Variants in DPY19L4 observed in about 807,000 individuals in gnomAD.
The protein encoded by DPY19L4 is probable C-mannosyltransferase DPY19L4.
A neutral mutation model predicts 102.8 loss-of-function variants in DPY19L4; 97 were observed. The observed-to-expected ratio is 0.94, with a 90% CI of 0.80 to 1.12. The LOEUF (loss-of-function observed/expected upper bound fraction) is 1.12, where lower values mean the gene tolerates loss of function less well. Ranked by LOEUF, DPY19L4 falls within the 50% of genes most tolerant of loss-of-function variation. The pLI is 0.00. For missense variants in DPY19L4, 815 were observed against 850.4 expected (o/e 0.96, Z 0.52); for synonymous variants, 252 against 283.1 (o/e 0.89, Z 1.10).
chr8:94,751,120 T>TTC (rs71503479), intron 6 of DPY19L4, among the ~76,000 whole-genome samples: 14,693 of 135,164 alleles, frequency 0.11, 872 homozygotes, highest in Non-Finnish European at 0.14. Flanking sequence ...TTTTCTTTCT[T>TTC]TTCTTTTTTT....
In DPY19L4 at chr8:94,734,159, A is replaced by G. The variant is rs146138792; in HGVS notation, c.128-471A>G. Among the ~76,000 whole-genome samples the G allele has an allele frequency of 6.2e-4, 93 of 148,904 alleles. No homozygotes were observed. The East Asian group carries it at 0.017, about 27-fold the overall frequency. ...ACTGCAACCTCCACCTCCCTGATTC[A>G]ATGATTCTTGTGCCTCAGCCTCCCG... On this transcript the variant is annotated intron_variant, in intron 2 of 18. Coordinates refer to ENST00000414645, the MANE Select transcript of DPY19L4 (RefSeq NM_181787.3).
intron 8 of DPY19L4, among the ~76,000 whole-genome samples, chr8:94,764,576 A>C (rs1481929049): frequency 1.9e-5 from 2 of 103,662 alleles, no homozygotes; most frequent in Non-Finnish European, 3.8e-5. Flanking sequence ...ACTCCGTCTC[A>C]AAAAAAAAAA....
chr8:94,764,392 C>T (rs1312425285), intron 8 of DPY19L4, among the ~76,000 whole-genome samples: 1 of 151,440 alleles, frequency 6.6e-6, no homozygotes, highest in African/African-American at 2.4e-5. Flanking sequence ...CTGACTAACA[C>T]GGTGAAATCC....
chr8:94,788,004 C>T lies in DPY19L4; in HGVS notation c.1959C>T (p.Pro653=). 1 of 1,509,582 alleles carries T rather than the reference C, an allele frequency of 6.6e-7. No homozygotes were observed. Among genetic ancestry groups the T allele is most frequent in the Non-Finnish European group, 8.8e-7 (1 of 1,130,852 alleles). The allele number at this position is 1,509,582 out of a possible 1,614,324, so 93.5% of individuals were successfully genotyped here. Residue 653 remains proline, a synonymous_variant, in exon 18 of 19, where the codon CCC becomes CCT. Coordinates refer to ENST00000414645, the MANE Select transcript of DPY19L4 (RefSeq NM_181787.3). ...ATGCTATCTGCAATGAGGTGGGACC[C>T]ATGAGAGGCTGTAGGGTTAAAGATT... ...VEDAICNEVG[P]MRGCRVKDLL... is the part of the protein sequence containing the mutation.
chr8:94,722,594 G>C (rs1810515141), intron 1 of DPY19L4, among the ~76,000 whole-genome samples: 1 of 152,062 alleles, frequency 6.6e-6, no homozygotes, highest in Non-Finnish European at 1.5e-5. Flanking sequence ...GGATATAATA[G>C]TCAACAATGA....
chr8:94,781,840 G>A (rs1361355082), intron 16 of DPY19L4, among the ~76,000 whole-genome samples: 5 of 152,136 alleles, frequency 3.3e-5, no homozygotes, highest in Non-Finnish European at 7.4e-5. Context: ...ATTATACTTG[G>A]CTAATGTAAT....
rs1054355914 is a variant in DPY19L4 at position 94,749,957 on chromosome 8, T to G, written c.612-6079T>G. ...ACTATATAAAAATATTGGTTCATGT[T>G]TTTTGTTTGTTTGTTTTTGACCAAG... On this transcript the variant is annotated intron_variant, in intron 6 of 18. Coordinates refer to ENST00000414645, the MANE Select transcript of DPY19L4 (RefSeq NM_181787.3). Among the ~76,000 whole-genome samples the G allele has an allele frequency of 4.6e-5, 7 of 152,290 alleles. No individual in the cohort carries two copies. In the South Asian group the frequency reaches 1.4e-3, roughly 32 times the overall value.
At chr8:94,738,094 G>A (rs1405161869) in intron 3 of DPY19L4, among the ~76,000 whole-genome samples, 1 of 151,832 alleles carries the variant, frequency 6.6e-6, no homozygotes, top group Non-Finnish European at 1.5e-5. Flanking sequence ...TGAGGTGGGT[G>A]GATCATGAGG....
At chr8:94,780,517 A>T in intron 15 of DPY19L4, 102 bp downstream of exon 15, 1 of 726,376 alleles carries the variant, frequency 1.4e-6, no homozygotes, top group East Asian at 3.2e-5. Flanking sequence ...CACTATCCTA[A>T]CAAAATAAAA....
At position 94,787,972 on chromosome 8, in the gene DPY19L4, G is replaced by A; in HGVS notation, c.1927G>A (p.Val643Ile). ...LTSYKANYLIVEDAICNEVGP... is the reference protein window; with the variant it reads ...LTSYKANYLIIEDAICNEVGP... ...ATCTTACAAAGCTAATTACCTAATT[G>A]TAGAGGATGCTATCTGCAATGAGGT... Residue 643 changes from valine to isoleucine, a missense_variant, in exon 18 of 19, where the codon GTA becomes ATA. Coordinates refer to ENST00000414645, the MANE Select transcript of DPY19L4 (RefSeq NM_181787.3). 2 of 1,522,092 alleles carry A rather than the reference G, an allele frequency of 1.3e-6. No individual in the cohort carries two copies. Among genetic ancestry groups the A allele is most frequent in the Non-Finnish European group, 1.8e-6 (2 of 1,135,004 alleles). The allele number at this position is 1,522,092 out of a possible 1,614,324, so 94.3% of individuals were successfully genotyped here.
chr8:94,733,001 A>G (rs1811032815), intron 2 of DPY19L4, among the ~76,000 whole-genome samples: 1 of 148,868 alleles, frequency 6.7e-6, no homozygotes, highest in South Asian at 2.1e-4. Flanking sequence ...TTTTGTAGAG[A>G]CATGGTTTCA....
At position 94,781,246 on chromosome 8, in the gene DPY19L4, A is replaced by G. The variant is rs182295147; in HGVS notation, c.1715+80A>G. 1.0e-3 allele frequency: 1,208 copies of G among 1,209,102 alleles called. 14 individuals carry two copies. Among genetic ancestry groups the G allele is most frequent in the Middle Eastern group, 7.5e-3 (36 of 4,824 alleles). The allele number at this position is 1,209,102 out of a possible 1,614,324, so 74.9% of individuals were successfully genotyped here. ...CTATCTAATGAATTCACAGGAAATAATAAATTAATACTTCTCCAAATTTTT... is the reference window on the plus strand; with the variant it reads ...CTATCTAATGAATTCACAGGAAATAGTAAATTAATACTTCTCCAAATTTTT... On this transcript the variant is annotated intron_variant, in intron 16 of 18. Transcript: ENST00000414645.
intron 6 of DPY19L4, among the ~76,000 whole-genome samples, chr8:94,746,276 G>A (rs1811671213): frequency 6.6e-6 from 1 of 150,660 alleles, no homozygotes. Flanking sequence ...GGCCAGGCTG[G>A]TCTTGAACTC....
chr8:94,788,095 A>ATATATTTT, intron 18 of DPY19L4, 43 bp downstream of exon 18: 1 of 971,366 alleles, frequency 1.0e-6, no homozygotes, highest in African/African-American at 2.3e-5. Flanking sequence ...ATATATATAT[A>ATATATTTT]TTTTTTTTTT....
chr8:94,739,644 G>A lies in DPY19L4; in HGVS notation c.466-1G>A, dbSNP rs768562593. Reference sequence around the variant, plus strand: ...GTTCTCTTTCTGTTTTTTCCACATAGGAGATTATTGAGCCAGTGTATTTCT... The same window carrying A: ...GTTCTCTTTCTGTTTTTTCCACATAAGAGATTATTGAGCCAGTGTATTTCT... On this transcript the variant is annotated splice_acceptor_variant, in intron 5 of 18. Coordinates refer to ENST00000414645, the MANE Select transcript of DPY19L4 (RefSeq NM_181787.3). LOFTEE classifies it high-confidence loss of function. 4 of 1,613,406 alleles carry A rather than the reference G, an allele frequency of 2.5e-6. No homozygotes were observed. The South Asian group carries it at 4.4e-5, about 18-fold the overall frequency.
rs1326081909 is a variant in DPY19L4, at chr8:94,770,503, A to C, written c.1386A>C (p.Glu462Asp). Reference sequence around the variant, plus strand: ...CTCTTGAAGATGGACGAATTGGAGAAAGACCAGAAATAATTTATCATGTAA... The same window carrying C: ...CTCTTGAAGATGGACGAATTGGAGACAGACCAGAAATAATTTATCATGTAA... ...TVTLEDGRIG[E>D]RPEIIYHVIH... The change falls in exon 13 of 19, where the codon GAA becomes GAC. Residue 462 changes from glutamate (E) to aspartate (D), a missense_variant. Glu to Asp is a conservative substitution (Grantham distance 45). Coordinates refer to ENST00000414645, the MANE Select transcript of DPY19L4 (RefSeq NM_181787.3). 6.2e-7 allele frequency: 1 copy of C among 1,614,006 alleles called. No homozygotes were observed. Among genetic ancestry groups the C allele is most frequent in the South Asian group, 1.1e-5 (1 of 91,056 alleles).
At position 94,719,931 on chromosome 8, in the gene DPY19L4, G is replaced by A; in HGVS notation, c.-68G>A. 1 of 1,452,232 alleles carries A rather than the reference G, an allele frequency of 6.9e-7. No homozygotes were observed. Among genetic ancestry groups the A allele is most frequent in the East Asian group, 3.0e-5 (1 of 33,158 alleles). The allele number at this position is 1,452,232 out of a possible 1,614,324, so 90.0% of individuals were successfully genotyped here. ...GGGCCCCCGGAGGCCGAGGGGTTCG[G>A]CGACGCGGAGGGAGGGAGAGTCTGG... is the stretch of plus-strand genomic sequence containing the variant. On this transcript the variant is annotated 5_prime_UTR_variant, in exon 1 of 19. Coordinates refer to ENST00000414645, the MANE Select transcript of DPY19L4 (RefSeq NM_181787.3).
chr8:94,733,147 A>T (rs1384147283), intron 2 of DPY19L4, among the ~76,000 whole-genome samples: 1 of 107,252 alleles, frequency 9.3e-6, no homozygotes. Flanking sequence ...TTTTTTTGAG[A>T]CAGAGTCTCG....
At position 94,739,432 on chromosome 8, in the gene DPY19L4, C is replaced by A; in HGVS notation, c.363C>A (p.His121Gln). The stretch of plus-strand genomic sequence containing the variant: ...CTTTAGGTGTTTACGAACTGACACA[C>A]AATAACAAAACTGTATCTCTGAAGA... Reference protein sequence around the residue: ...SFERGVYELTHNNKTVSLKTI... With the variant: ...SFERGVYELTQNNKTVSLKTI... Residue 121 changes from histidine (H) to glutamine (Q), a missense_variant, in exon 5 of 19, where the codon CAC becomes CAA. Physicochemically the swap from His to Gln is conservative, Grantham distance 24 (BLOSUM62 0). Transcript: ENST00000414645. 2 of 1,586,826 alleles carry A rather than the reference C, an allele frequency of 1.3e-6. No homozygotes were observed. Among genetic ancestry groups the A allele is most frequent in the Non-Finnish European group, 1.7e-6 (2 of 1,171,556 alleles).
Sources: gnomAD v4.1 joint callset for allele counts (sites outside exome capture counted in the v4.1 genomes callset) on GRCh38, gnomAD v4.1.1 for gene constraint, MANE v1.5 for transcripts, NCBI Gene and HGNC (gene_info 2026-07-23, HGNC 2026-07-21) for gene names.